The following WDPCP variants were observed in gnomAD, a reference collection of about 807,000 sequenced individuals.
The protein encoded by WDPCP is WD repeat-containing and planar cell polarity effector protein fritz homolog.
A neutral mutation model predicts 93.1 loss-of-function variants in WDPCP; 71 were observed. The observed-to-expected ratio is 0.76, with a 90% confidence interval of 0.63 to 0.93. The LOEUF is 0.93. WDPCP is among the 40% of genes least tolerant of loss of function. The probability of loss-of-function intolerance (pLI) is 0.00; values close to 1 mark genes in which losing one functional copy is unlikely to be tolerated. For synonymous variants in WDPCP, 315 were observed against 315.0 expected (o/e 1.00, Z 0.00); for missense variants, 844 against 887.4 (o/e 0.95, Z 0.62).
At chr2:63,707,792 C>T (rs1276125430) in intron 2 of WDPCP, among the ~76,000 whole-genome samples, 1 of 152,186 alleles carries the variant, frequency 6.6e-6, no homozygotes, top group Admixed American at 6.5e-5. Flanking sequence ...TGGTGATGTA[C>T]AGATGGGTTT....
In WDPCP at chr2:63,174,728, A is replaced by G; in HGVS notation, c.2020T>C (p.Ser674Pro). The change falls in exon 15 of 18, where the codon TCT (serine) becomes CCT (proline). Residue 674 changes from serine to proline, a missense_variant. Physicochemically the swap from Ser to Pro is moderately conservative, Grantham distance 74. Transcript: ENST00000272321. ...EDSFPDNLPP[S>P]CPTHRHILQQ... is the part of the protein sequence containing the mutation. ...AAAATATGTCTGTGGGTTGGGCAAG[A>G]GGGAGGGAGGTTATCTGGAAATGAG... 2 of 1,614,020 alleles carry G rather than the reference A, an allele frequency of 1.2e-6. No homozygotes were observed. The highest frequency in any genetic ancestry group is 1.7e-6 in the Non-Finnish European group (2 of 1,179,930).
chr2:63,303,970 C>CAAAAAA (rs34553510), intron 13 of WDPCP, among the ~76,000 whole-genome samples: 3 of 131,358 alleles, frequency 2.3e-5, no homozygotes, highest in Non-Finnish European at 4.9e-5. Flanking sequence ...AGTAAAAAGT[C>CAAAAAA]AAAAAAAAAA....
At chr2:63,426,410 A>C (rs1696300996) in intron 9 of WDPCP, among the ~76,000 whole-genome samples, 1 of 152,218 alleles carries the variant, frequency 6.6e-6, no homozygotes, top group Non-Finnish European at 1.5e-5. Flanking sequence ...AACTTTAAAG[A>C]AAAGAAATTC....
intron 13 of WDPCP, among the ~76,000 whole-genome samples, chr2:63,260,009 A>G (rs888613133): frequency 6.6e-6 from 1 of 152,198 alleles, no homozygotes; most frequent in African/African-American, 2.4e-5. Context: ...TTTATAGCAC[A>G]TATGTGCAGA....
upstream of WDPCP, chr2:63,589,240 G>T (rs1709096076): frequency 6.4e-7 from 1 of 1,555,068 alleles, no homozygotes; most frequent in Admixed American, 2.0e-5. Context: ...CACCTTGCGG[G>T]GTATGGGGCG....
chr2:63,612,704 A>G (rs1224713732), intron 3 of WDPCP, among the ~76,000 whole-genome samples: 1 of 152,178 alleles, frequency 6.6e-6, no homozygotes, highest in Non-Finnish European at 1.5e-5. Context: ...TGAAGATGCT[A>G]TATAAACTCA....
At chr2:63,812,438 T>C (rs1041313022) in intron 2 of WDPCP, among the ~76,000 whole-genome samples, 5 of 152,244 alleles carry the variant, frequency 3.3e-5, no homozygotes, top group African/African-American at 7.2e-5. Context: ...ACTAACGGCA[T>C]TGCTGGGTCA....
intron 2 of WDPCP, among the ~76,000 whole-genome samples, chr2:63,792,053 G>A (rs1187800881): frequency 2.0e-5 from 3 of 152,084 alleles, no homozygotes; most frequent in Admixed American, 2.0e-4. Flanking sequence ...GAGCTCTGGA[G>A]GTACAAAGGT....
chr2:63,147,861 T>C (rs969478652), intron 17 of WDPCP, among the ~76,000 whole-genome samples: 6 of 149,832 alleles, frequency 4.0e-5, no homozygotes, highest in Non-Finnish European at 8.9e-5. Flanking sequence ...CTCAGCTACT[T>C]GGGAGGCTGA....
intron 2 of WDPCP, among the ~76,000 whole-genome samples, chr2:63,798,566 T>C (rs948623805): frequency 7.9e-5 from 12 of 151,642 alleles, no homozygotes; most frequent in Admixed American, 2.6e-4. Flanking sequence ...AAAACACATA[T>C]AATGGATACA....
intron 13 of WDPCP, among the ~76,000 whole-genome samples, chr2:63,293,220 C>T (rs887960632): frequency 3.9e-5 from 6 of 152,144 alleles, no homozygotes; most frequent in Admixed American, 3.3e-4. Context: ...AAGACTAGGA[C>T]TCTGAAATGC....
At chr2:63,299,803 G>A (rs994052121) in intron 13 of WDPCP, among the ~76,000 whole-genome samples, 1 of 152,144 alleles carries the variant, frequency 6.6e-6, no homozygotes, top group Non-Finnish European at 1.5e-5. Flanking sequence ...GCAAGGACAT[G>A]GGAGTCCTTG....
chr2:63,378,120 C>T (rs1692004424), intron 12 of WDPCP: 2 of 439,474 alleles, frequency 4.6e-6, no homozygotes, highest in Admixed American at 3.5e-5. Context: ...GTTAATATTT[C>T]TACATTGACT....
intron 13 of WDPCP, among the ~76,000 whole-genome samples, chr2:63,292,232 C>T (rs1236534762): frequency 1.3e-5 from 2 of 151,554 alleles, no homozygotes; most frequent in African/African-American, 2.4e-5. Flanking sequence ...TTTTAGTCTC[C>T]ATAATGAATT....
intron 3 of WDPCP, chr2:63,599,132 A>G: frequency 6.2e-7 from 1 of 1,603,116 alleles, no homozygotes; most frequent in Non-Finnish European, 8.5e-7. Flanking sequence ...TAGTAACTAT[A>G]TAGTCTGTAA....
chr2:63,583,888 T>G (rs1324823256), intron 1 of WDPCP, among the ~76,000 whole-genome samples: 1 of 151,916 alleles, frequency 6.6e-6, no homozygotes, highest in Admixed American at 6.6e-5. Context: ...GGAGGATCAT[T>G]CAAGCCCAGG....
chr2:63,415,610 G>C (rs1436372409), intron 9 of WDPCP, among the ~76,000 whole-genome samples: 1 of 152,154 alleles, frequency 6.6e-6, no homozygotes, highest in African/African-American at 2.4e-5. Flanking sequence ...TTTGAATCCA[G>C]GTCTGTCTGA....
At chr2:63,435,131 C>T (rs1697050117) in intron 8 of WDPCP, among the ~76,000 whole-genome samples, 1 of 152,126 alleles carries the variant, frequency 6.6e-6, no homozygotes, top group Non-Finnish European at 1.5e-5. Flanking sequence ...GTTGTTCTCT[C>T]ATGGTAAACA....
intron 6 of WDPCP, among the ~76,000 whole-genome samples, chr2:63,467,752 G>A (rs1378457170): frequency 7.1e-6 from 1 of 141,646 alleles, no homozygotes; most frequent in Admixed American, 7.4e-5. Flanking sequence ...CTCCAGCCTG[G>A]GCGACAGAGC....
Sources: gnomAD v4.1 joint callset for allele counts (sites outside exome capture counted in the v4.1 genomes callset) on GRCh38, gnomAD v4.1.1 for gene constraint, MANE v1.5 for transcripts, NCBI Gene and HGNC (gene_info 2026-07-23, HGNC 2026-07-21) for gene names.